PLCXD3: variants seen among roughly 807,000 people sequenced by gnomAD.
PLCXD3 encodes phosphatidylinositol specific phospholipase C X domain containing 3.
In PLCXD3, 19 loss-of-function variants were observed where a neutral mutation model predicts 25.5. The observed-to-expected ratio is 0.75, with a 90% CI of 0.52 to 1.09. The LOEUF (loss-of-function observed/expected upper bound fraction) is 1.09, where lower values mean the gene tolerates loss of function less well. PLCXD3 is among the 50% of genes least tolerant of loss of function. The pLI is 0.00. For missense variants in PLCXD3, 411 were observed against 388.1 expected, an observed-to-expected ratio of 1.06 and a Z score of -0.50; for synonymous variants, 174 against 137.6, an observed-to-expected ratio of 1.26 and a Z score of -1.85.
chr5:41,363,459 A>AT (rs543919819), intron 2 of PLCXD3, among the ~76,000 whole-genome samples: 8 of 152,134 alleles, frequency 5.3e-5, no homozygotes, highest in South Asian at 2.1e-4. Flanking sequence ...AAGTAGTGGA[A>AT]TTTTTTTTAA....
chr5:41,316,351 C>T (rs979991520), intron 2 of PLCXD3, among the ~76,000 whole-genome samples: 1 of 152,202 alleles, frequency 6.6e-6, no homozygotes, highest in African/African-American at 2.4e-5. Context: ...AGATAACCAG[C>T]AGAGATATCC....
At chr5:41,387,686 T>C (rs565380017) in intron 1 of PLCXD3, among the ~76,000 whole-genome samples, 2 of 152,262 alleles carry the variant, frequency 1.3e-5, no homozygotes, top group East Asian at 3.9e-4. Flanking sequence ...TCAAGTAAAA[T>C]GGTCTACCAA....
intron 1 of PLCXD3, among the ~76,000 whole-genome samples, chr5:41,465,040 T>C (rs1409853626): frequency 3.3e-5 from 5 of 152,220 alleles, no homozygotes; most frequent in Admixed American, 6.6e-5. Flanking sequence ...TGTACATTTT[T>C]TGGGGGTGTT....
intron 2 of PLCXD3, among the ~76,000 whole-genome samples, chr5:41,331,254 G>A (rs979780266): frequency 1.3e-5 from 2 of 152,014 alleles, no homozygotes; most frequent in Non-Finnish European, 2.9e-5. Context: ...AAAGTCTCAG[G>A]ATACAAAATC....
chr5:41,441,860 A>G (rs1747392326), intron 1 of PLCXD3, among the ~76,000 whole-genome samples: 1 of 152,238 alleles, frequency 6.6e-6, no homozygotes, highest in African/African-American at 2.4e-5. Flanking sequence ...CACATGGGAT[A>G]CAAATGCTTG....
intron 1 of PLCXD3, among the ~76,000 whole-genome samples, chr5:41,489,949 T>C (rs1748617757): frequency 6.6e-6 from 1 of 151,968 alleles, no homozygotes; most frequent in Admixed American, 6.6e-5. Context: ...CTAATTGCCC[T>C]GGCCAGAACT....
chr5:41,411,474 G>A (rs1026787288), intron 1 of PLCXD3, among the ~76,000 whole-genome samples: 1 of 152,126 alleles, frequency 6.6e-6, no homozygotes, highest in East Asian at 1.9e-4. Context: ...TGGGATTTGA[G>A]ATCTGGATAT....
intron 1 of PLCXD3, among the ~76,000 whole-genome samples, chr5:41,475,220 C>T (rs1748253944): frequency 6.6e-6 from 1 of 152,234 alleles, no homozygotes; most frequent in Non-Finnish European, 1.5e-5. Flanking sequence ...ATCTCTAGGG[C>T]ACTGACCAGT....
At chr5:41,472,927 T>C (rs1580390638) in intron 1 of PLCXD3, among the ~76,000 whole-genome samples, 1 of 152,158 alleles carries the variant, frequency 6.6e-6, no homozygotes, top group East Asian at 1.9e-4. Context: ...AGAGAACACA[T>C]GATTTAGAAA....
At chr5:41,381,023 T>TA (rs1430136298) in intron 2 of PLCXD3, among the ~76,000 whole-genome samples, 2 of 152,098 alleles carry the variant, frequency 1.3e-5, no homozygotes, top group Non-Finnish European at 2.9e-5. Flanking sequence ...AGGCATAGGA[T>TA]ATAGTTTAAG....
chr5:41,325,848 T>C (rs1019904866), intron 2 of PLCXD3, among the ~76,000 whole-genome samples: 4 of 152,178 alleles, frequency 2.6e-5, no homozygotes, highest in Admixed American at 1.3e-4. Context: ...TTTTGGAGAC[T>C]TAGAAGTCCA....
At chr5:41,423,403 C>G (rs983358793) in intron 1 of PLCXD3, among the ~76,000 whole-genome samples, 7 of 151,948 alleles carry the variant, frequency 4.6e-5, no homozygotes, top group South Asian at 4.1e-4. Context: ...TTAAGTTTTT[C>G]AAGTATATTG....
At chr5:41,486,202 G>C (rs1376570914) in intron 1 of PLCXD3, among the ~76,000 whole-genome samples, 1 of 151,908 alleles carries the variant, frequency 6.6e-6, no homozygotes, top group East Asian at 1.9e-4. Context: ...GTCCAATCTG[G>C]GTGAATCTTC....
intron 2 of PLCXD3, among the ~76,000 whole-genome samples, chr5:41,345,425 T>C (rs557580158): frequency 6.6e-6 from 1 of 152,276 alleles, no homozygotes; most frequent in South Asian, 2.1e-4. Context: ...TTCTTCATAT[T>C]ATTCTGGGTC....
intron 2 of PLCXD3, among the ~76,000 whole-genome samples, chr5:41,334,822 C>T (rs1743933976): frequency 6.6e-6 from 1 of 152,108 alleles, no homozygotes; most frequent in African/African-American, 2.4e-5. Flanking sequence ...TGCTCCAAGT[C>T]AGGGTTTCAA....
chr5:41,439,007 G>A (rs975510474), intron 1 of PLCXD3, among the ~76,000 whole-genome samples: 4 of 152,112 alleles, frequency 2.6e-5, no homozygotes, highest in African/African-American at 7.2e-5. Flanking sequence ...GGAGAGCCCC[G>A]GTCTTTAGCA....
intron 2 of PLCXD3, among the ~76,000 whole-genome samples, chr5:41,355,715 A>T (rs1217448350): frequency 1.3e-5 from 2 of 152,210 alleles, no homozygotes; most frequent in Admixed American, 6.5e-5. Context: ...TCTTCTATCC[A>T]TGCATGCTGC....
At chr5:41,450,070 A>G (rs1234983277) in intron 1 of PLCXD3, among the ~76,000 whole-genome samples, 2 of 152,080 alleles carry the variant, frequency 1.3e-5, no homozygotes, top group Non-Finnish European at 2.9e-5. Context: ...CTGAAAGAAA[A>G]AGTGATTCTG....
chr5:41,332,083 A>G (rs1405160604), intron 2 of PLCXD3, among the ~76,000 whole-genome samples: 1 of 152,192 alleles, frequency 6.6e-6, no homozygotes, highest in Non-Finnish European at 1.5e-5. Flanking sequence ...AAAAGCCAAA[A>G]TTGACAAATG....
Sources: allele counts gnomAD v4.1 joint callset (sites outside exome capture counted in the v4.1 genomes callset), GRCh38; gene constraint gnomAD v4.1.1; transcripts MANE v1.5; gene names NCBI Gene and HGNC (gene_info 2026-07-23, HGNC 2026-07-21).